SASH1: variants seen among roughly 807,000 people sequenced by gnomAD.
The protein encoded by SASH1 is SAM and SH3 domain containing 1.
In SASH1, 44 loss-of-function variants were observed where a neutral mutation model predicts 125.2. The observed-to-expected ratio is 0.35, with a 90% CI of 0.28 to 0.45. SASH1 has a LOEUF of 0.45. Ranked by LOEUF, SASH1 falls within the 20% of genes least tolerant of loss-of-function variation. SASH1 has a pLI of 1.00. For synonymous variants in SASH1, 639 were observed against 649.1 expected, an observed-to-expected ratio of 0.98 and a Z score of 0.24; for missense variants, 1,426 against 1,614.5, an observed-to-expected ratio of 0.88 and a Z score of 2.00.
chr6:148,471,386 CTTTTTTTTTT>C (rs35487674), intron 5 of SASH1, 21 bp from the exon 6 acceptor site: 185 of 503,536 alleles, frequency 3.7e-4, no homozygotes, highest in South Asian at 8.1e-4. Flanking sequence ...GCTTTTTGTT[CTTTTTTTTTT>C]TTTTTTTTTT....
chr6:148,252,998 G>A, the SASH1 span, among the ~76,000 whole-genome samples: 2 of 152,132 alleles, frequency 1.3e-5, no homozygotes, highest in Middle Eastern at 3.2e-3. Flanking sequence ...ACTAGCCCGT[G>A]GGGCAGCCTC....
intron 1 of SASH1, among the ~76,000 whole-genome samples, chr6:148,384,629 AAAATT>A (rs1441905624): frequency 6.6e-6 from 1 of 152,186 alleles, no homozygotes; most frequent in Non-Finnish European, 1.5e-5. Flanking sequence ...TATTTTTAGT[AAAATT>A]AAATATTTTT....
At chr6:148,454,095 A>G (rs1012824714) in intron 4 of SASH1, among the ~76,000 whole-genome samples, 1 of 152,098 alleles carries the variant, frequency 6.6e-6, no homozygotes, top group African/African-American at 2.4e-5. Context: ...GCTGACACCC[A>G]TGCCATCAGT....
At chr6:148,215,909 G>A in the SASH1 span, among the ~76,000 whole-genome samples, 20 of 151,918 alleles carry the variant, frequency 1.3e-4, no homozygotes, top group East Asian at 2.7e-3. Context: ...CCAGGCTGCC[G>A]TGCAATGGTG....
At chr6:148,203,519 A>G in the SASH1 span, among the ~76,000 whole-genome samples, 1 of 152,152 alleles carries the variant, frequency 6.6e-6, no homozygotes, top group Non-Finnish European at 1.5e-5. Context: ...GCATATACAG[A>G]CTGAGTCATT....
At chr6:148,330,650 A>G (rs1457170067) in intron 1 of SASH1, among the ~76,000 whole-genome samples, 1 of 152,006 alleles carries the variant, frequency 6.6e-6, no homozygotes, top group African/African-American at 2.4e-5. Flanking sequence ...CAATGGCACG[A>G]TCTCTGCTCA....
Position 148,546,057 on chromosome 6 carries a change from G to T in SASH1, c.3391G>T (p.Ala1131Ser), listed in dbSNP as rs769902677. The T allele has an allele frequency of 1.9e-6, 3 of 1,614,218 alleles. No individual in the cohort carries two copies. Among genetic ancestry groups the T allele is most frequent in the Admixed American group, 1.7e-5 (1 of 60,024 alleles). The change falls in exon 19 of 20, where the codon GCA becomes TCA. Residue 1131 changes from alanine (A) to serine (S), a missense_variant. By Grantham distance (99) the Ala-to-Ser change is moderately conservative (BLOSUM62 1). Around this residue, in one of 3 missense-constraint regions of SASH1, gnomAD observed 634 missense variants for 694.4 expected, o/e 0.91. Transcript: ENST00000367467. ...TCCTGAAGCCCTGGTGCAGAGATACGCAGAGGACTTGGATCAGCCCGAGCG... is the reference window on the plus strand; with the variant it reads ...TCCTGAAGCCCTGGTGCAGAGATACTCAGAGGACTTGGATCAGCCCGAGCG... ...GIPEALVQRY[A>S]EDLDQPERDV...
In SASH1 at chr6:148,326,624, A is replaced by G. The variant is rs1390427759; in HGVS notation, n.74+54247A>G. ...ACCATGTTGGCCAGGCTGGTCTTGA[A>G]CTCCTGACCTCAGGTGATCCGCCTG... On this transcript the variant is annotated intron_variant and non_coding_transcript_variant, in intron 1 of 3. Coordinates refer to the SASH1 transcript ENST00000367469. Among the ~76,000 whole-genome samples, 4 of 148,166 alleles carry G rather than the reference A, an allele frequency of 2.7e-5. No individual in the cohort carries two copies. The East Asian group carries it at 6.1e-4, about 22-fold the overall frequency.
chr6:148,326,419 TTTTG>T (rs1780831635), intron 1 of SASH1, among the ~76,000 whole-genome samples: 1 of 80,536 alleles, frequency 1.2e-5, no homozygotes, highest in Non-Finnish European at 2.6e-5. Flanking sequence ...CTTTTCTTTT[TTTTG>T]AGACAGGGTC....
intron 1 of SASH1, among the ~76,000 whole-genome samples, chr6:148,352,142 AG>A (rs758562047): frequency 7.2e-5 from 11 of 152,246 alleles, no homozygotes; most frequent in Non-Finnish European, 1.0e-4. Context: ...TTAAGAGCAA[AG>A]GAACTATTTT....
At chr6:148,408,373 T>G (rs1407396925) in intron 2 of SASH1, among the ~76,000 whole-genome samples, 1 of 151,890 alleles carries the variant, frequency 6.6e-6, no homozygotes, top group Non-Finnish European at 1.5e-5. Flanking sequence ...CCCAGAGTGC[T>G]GGGATTACAG....
At chr6:148,252,550 C>T in the SASH1 span, among the ~76,000 whole-genome samples, 1 of 151,610 alleles carries the variant, frequency 6.6e-6, no homozygotes, top group African/African-American at 2.4e-5. Context: ...ATGATCTCAG[C>T]TCACTGCAAC....
At chr6:148,303,101 C>T (rs555982824) in intron 1 of SASH1, among the ~76,000 whole-genome samples, 91 of 152,044 alleles carry the variant, frequency 6.0e-4, no homozygotes, top group Non-Finnish European at 1.3e-4. Flanking sequence ...CTGCCTCAGC[C>T]TCCTGAATAG....
chr6:148,307,100 CTCTCTG>C (rs1780164597), intron 1 of SASH1, among the ~76,000 whole-genome samples: 1 of 139,996 alleles, frequency 7.1e-6, no homozygotes, highest in African/African-American at 2.8e-5. Context: ...TTCTTTCTCT[CTCTCTG>C]TCTCTTTCTT....
intron 1 of SASH1, among the ~76,000 whole-genome samples, chr6:148,318,393 C>A (rs1031601015): frequency 6.6e-6 from 1 of 152,102 alleles, no homozygotes; most frequent in African/African-American, 2.4e-5. Flanking sequence ...TAGTTTAGTT[C>A]AAAATCATAT....
the SASH1 span, among the ~76,000 whole-genome samples, chr6:148,198,891 G>T: frequency 2.6e-5 from 4 of 152,216 alleles, no homozygotes; most frequent in Non-Finnish European, 4.4e-5. Flanking sequence ...GCTGAGTATA[G>T]CTGTCCCCTG....
chr6:148,360,800 T>C (rs1412603960), intron 1 of SASH1, among the ~76,000 whole-genome samples: 1 of 152,248 alleles, frequency 6.6e-6, no homozygotes, highest in Admixed American at 6.5e-5. Flanking sequence ...ATACCTTAAC[T>C]CATTTAATTG....
chr6:148,379,359 T>C (rs1402290149), intron 1 of SASH1, among the ~76,000 whole-genome samples: 1 of 152,206 alleles, frequency 6.6e-6, no homozygotes, highest in Non-Finnish European at 1.5e-5. Context: ...GTATGGAACT[T>C]CTTCCTACCC....
intron 2 of SASH1, among the ~76,000 whole-genome samples, chr6:148,416,457 A>T (rs1306471035): frequency 1.3e-5 from 2 of 152,194 alleles, no homozygotes; most frequent in African/African-American, 4.8e-5. Flanking sequence ...CAACTGTTAG[A>T]TACAGTTTAA....
Sources: allele counts gnomAD v4.1 joint callset (sites outside exome capture counted in the v4.1 genomes callset), GRCh38; gene constraint gnomAD v4.1.1; regional missense constraint gnomAD v4.1.1; transcripts MANE v1.5; gene names NCBI Gene and HGNC (gene_info 2026-07-23, HGNC 2026-07-21).